PRKG1: variants seen among roughly 807,000 people sequenced by gnomAD.
PRKG1 encodes the protein protein kinase cGMP-dependent 1, also known as cGMP-dependent protein kinase 1.
PRKG1 carries 35 observed loss-of-function variants against 88.1 expected under a neutral mutation model. The ratio of observed to expected loss-of-function variants is 0.40; its 90% CI spans 0.30 to 0.53. The LOEUF (loss-of-function observed/expected upper bound fraction) is 0.53, where lower values mean the gene tolerates loss of function less well. PRKG1 is among the 20% of genes least tolerant of loss of function. PRKG1 has a pLI of 0.59. For missense variants in PRKG1, 540 were observed against 839.8 expected (o/e 0.64, Z 4.41); for synonymous variants, 303 against 292.5 (o/e 1.04, Z -0.37).
intron 7 of PRKG1, among the ~76,000 whole-genome samples, chr10:52,105,300 A>G (rs1172480063): frequency 6.6e-6 from 1 of 152,168 alleles, no homozygotes; most frequent in African/African-American, 2.4e-5. Flanking sequence ...TTTATGTTAT[A>G]GTTTTTAGGT....
At chr10:51,424,507 T>C (rs1444403) in intron 2 of PRKG1, among the ~76,000 whole-genome samples, 19,354 of 152,140 alleles carry the variant, frequency 0.13, 1,471 homozygotes, top group Admixed American at 0.23. Context: ...TGCCTAAAAT[T>C]AACTGTCTTC....
chr10:51,974,556 C>G (rs556972622), intron 5 of PRKG1, among the ~76,000 whole-genome samples: 2 of 149,376 alleles, frequency 1.3e-5, no homozygotes, highest in East Asian at 3.9e-4. Flanking sequence ...AATCTGTATT[C>G]CCTTTATTTC....
At chr10:51,714,287 T>C (rs1841834355) in intron 3 of PRKG1, among the ~76,000 whole-genome samples, 1 of 152,212 alleles carries the variant, frequency 6.6e-6, no homozygotes, top group African/African-American at 2.4e-5. Flanking sequence ...CTATTGCTTT[T>C]ATTTTTTACA....
rs80133759 is a variant in PRKG1, at chr10:51,591,974, G to A, written c.592+124138G>A. The stretch of plus-strand genomic sequence containing the variant: ...ACAAACTCTATTCCCCCTGTTAGGG[G>A]GGAAAACACATTCTAATACAGCTTC... On this transcript the variant is annotated intron_variant, in intron 3 of 17. Transcript: ENST00000373980. Among the ~76,000 whole-genome samples the A allele has an allele frequency of 5.1e-3, 781 of 152,108 alleles. 5 individuals are homozygous for A. The highest frequency in any genetic ancestry group is 0.018 in the African/African-American group (746 of 41,504).
intron 5 of PRKG1, among the ~76,000 whole-genome samples, chr10:52,009,569 A>C (rs1276883350): frequency 6.6e-6 from 1 of 152,206 alleles, no homozygotes; most frequent in Non-Finnish European, 1.5e-5. Context: ...GGATAGGAAG[A>C]ATAACATCAT....
intron 2 of PRKG1, among the ~76,000 whole-genome samples, chr10:51,209,907 C>T (rs61699059): frequency 6.6e-6 from 1 of 152,078 alleles, no homozygotes. Context: ...TATTACTTTT[C>T]CTGGACTTAA....
At chr10:52,085,922 TA>T (rs1044005010) in intron 7 of PRKG1, among the ~76,000 whole-genome samples, 2 of 152,142 alleles carry the variant, frequency 1.3e-5, no homozygotes, top group Non-Finnish European at 2.9e-5. Flanking sequence ...AAAAATCTAG[TA>T]AAAAAAGTTA....
intron 3 of PRKG1, among the ~76,000 whole-genome samples, chr10:51,765,815 A>ATTTTTTTTTTTTTTTTTTTTTTTTTTTT (rs398046339): frequency 1.5e-5 from 2 of 134,614 alleles, no homozygotes. Flanking sequence ...GCCTTACATG[A>ATTTTTTTTTTTTTTTTTTTTTTTTTTTT]TTTTTTTTTT....
At chr10:52,152,033 G>C (rs1158238543) in intron 8 of PRKG1, among the ~76,000 whole-genome samples, 1 of 152,226 alleles carries the variant, frequency 6.6e-6, no homozygotes, top group Non-Finnish European at 1.5e-5. Context: ...GTATTAGGAT[G>C]CTAGGCATTC....
intron 3 of PRKG1, among the ~76,000 whole-genome samples, chr10:51,560,449 T>C (rs1169829094): frequency 6.6e-6 from 1 of 152,138 alleles, no homozygotes; most frequent in African/African-American, 2.4e-5. Context: ...AGACCTTCCC[T>C]CTTGCAACTT....
At chr10:51,532,141 C>T (rs924563004) in intron 3 of PRKG1, among the ~76,000 whole-genome samples, 1 of 152,182 alleles carries the variant, frequency 6.6e-6, no homozygotes, top group Admixed American at 6.5e-5. Flanking sequence ...GTTAAAGCTG[C>T]AGCAGGAGCT....
At chr10:52,286,255 C>G (rs772543759) in intron 14 of PRKG1, among the ~76,000 whole-genome samples, 9 of 152,034 alleles carry the variant, frequency 5.9e-5, no homozygotes, top group Non-Finnish European at 1.0e-4. Flanking sequence ...ACCTTCTCTA[C>G]AGCATCTTTA....
At chr10:51,952,507 C>T (rs1450225631) in intron 5 of PRKG1, among the ~76,000 whole-genome samples, 1 of 152,158 alleles carries the variant, frequency 6.6e-6, no homozygotes, top group African/African-American at 2.4e-5. Flanking sequence ...CCTAACTCAT[C>T]AGGTTTTTGT....
rs1411835817 is a variant in PRKG1, at chr10:50,991,283, G to C, written c.-96G>C. On this transcript the variant is annotated 5_prime_UTR_variant, in exon 1 of 18. Transcript: ENST00000401604. The surrounding 1 kb of genome is among the most constrained non-coding windows in gnomAD (Gnocchi z 4.5). ...TTAGCGCCCATTCACTCGCTCACCC[G>C]CGCTCTCCGCTGCCGGCTGCCGTCC... is the stretch of plus-strand genomic sequence containing the variant. 1.4e-6 allele frequency: 2 copies of C among 1,448,070 alleles called. No homozygotes were observed. The highest frequency in any genetic ancestry group is 2.8e-5 in the East Asian group (1 of 35,700). The allele number at this position is 1,448,070 out of a possible 1,614,324, so 89.7% of individuals were successfully genotyped here.
intron 4 of PRKG1, among the ~76,000 whole-genome samples, chr10:51,885,882 A>G (rs557155282): frequency 1.6e-4 from 25 of 152,266 alleles, no homozygotes; most frequent in African/African-American, 5.5e-4. Context: ...TAAATTATCT[A>G]TTACTTATGC....
At chr10:52,290,642 T>A (rs914505219) in intron 17 of PRKG1, among the ~76,000 whole-genome samples, 1 of 151,436 alleles carries the variant, frequency 6.6e-6, no homozygotes, top group Non-Finnish European at 1.5e-5. Context: ...AGTTCAAGAG[T>A]TCAAGACCAG....
chr10:51,874,022 T>G (rs1841228567), intron 4 of PRKG1, among the ~76,000 whole-genome samples: 1 of 152,226 alleles, frequency 6.6e-6, no homozygotes, highest in Non-Finnish European at 1.5e-5. Context: ...TTTATCTGTT[T>G]TAGCTACTTG....
intron 2 of PRKG1, among the ~76,000 whole-genome samples, chr10:51,388,303 G>A (rs946490973): frequency 1.3e-5 from 2 of 152,086 alleles, no homozygotes; most frequent in African/African-American, 4.8e-5. Flanking sequence ...TTACTTCTGA[G>A]GTAAAGAAAC....
chr10:52,252,453 A>G (rs892490851), intron 10 of PRKG1: 6 of 152,128 alleles, frequency 3.9e-5, no homozygotes, highest in Non-Finnish European at 7.4e-5. Flanking sequence ...TTGAGAATGC[A>G]GATTGATTTC....
Sources: gnomAD v4.1 joint callset for allele counts (sites outside exome capture counted in the v4.1 genomes callset) on GRCh38, gnomAD v4.1.1 for gene constraint, Gnocchi (gnomAD v3.1) non-coding constraint, MANE v1.5 for transcripts, NCBI Gene and HGNC (gene_info 2026-07-23, HGNC 2026-07-21) for gene names.